CEP57L1: variants seen among roughly 807,000 people sequenced by gnomAD.
CEP57L1 encodes the protein centrosomal protein 57 like 1.
CEP57L1 carries 37 observed loss-of-function variants against 61.0 expected under a neutral mutation model. That is an observed-to-expected ratio of 0.61 (90% CI 0.47 to 0.80). CEP57L1 has a LOEUF of 0.80. Among genes scored for constraint, CEP57L1 ranks in the 30% least tolerant of loss-of-function variants. The probability of loss-of-function intolerance (pLI) is 0.00; values close to 1 mark genes in which losing one functional copy is unlikely to be tolerated. For missense variants in CEP57L1, 422 were observed against 524.7 expected (o/e 0.80, Z 1.91); for synonymous variants, 137 against 162.3 (o/e 0.84, Z 1.19).
At chr6:109,133,023 G>A (rs1774373145) in intron 1 of CEP57L1, among the ~76,000 whole-genome samples, 1 of 152,100 alleles carries the variant, frequency 6.6e-6, no homozygotes, top group African/African-American at 2.4e-5. Context: ...TATCTACCCA[G>A]TAGCCAAGTT....
At chr6:109,136,106 A>G (rs1225154354) in intron 1 of CEP57L1, among the ~76,000 whole-genome samples, 5 of 152,236 alleles carry the variant, frequency 3.3e-5, no homozygotes, top group African/African-American at 1.2e-4. Flanking sequence ...CTACAAAGAC[A>G]CATGCACACG....
chr6:109,141,789 C>T (rs1397573917), intron 1 of CEP57L1, among the ~76,000 whole-genome samples: 1 of 152,058 alleles, frequency 6.6e-6, no homozygotes, highest in African/African-American at 2.4e-5. Flanking sequence ...TCCAGCCTTA[C>T]TGTGTTTGCT....
intron 1 of CEP57L1, among the ~76,000 whole-genome samples, chr6:109,128,507 TTCC>T (rs1325210570): frequency 6.6e-6 from 1 of 152,226 alleles, no homozygotes; most frequent in East Asian, 1.9e-4. Flanking sequence ...CTATAATTTC[TTCC>T]TCCTTTTGTC....
intron 7 of CEP57L1, chr6:109,157,426 T>C: frequency 6.6e-6 from 1 of 152,164 alleles, no homozygotes; most frequent in East Asian, 1.9e-4. Context: ...CAGATAAATA[T>C]ATAAGTATAA....
chr6:109,120,241 C>A (rs912075040), intron 1 of CEP57L1, among the ~76,000 whole-genome samples: 1 of 152,130 alleles, frequency 6.6e-6, no homozygotes, highest in Non-Finnish European at 1.5e-5. Context: ...ACTTCATTAT[C>A]AAATAATCTA....
intron 1 of CEP57L1, among the ~76,000 whole-genome samples, chr6:109,144,497 T>C (rs536529606): frequency 1.3e-5 from 2 of 152,216 alleles, no homozygotes; most frequent in African/African-American, 4.8e-5. Context: ...TTCTAAAATA[T>C]TTAAATTGCA....
At chr6:109,110,350 T>C (rs370020449) in intron 1 of CEP57L1, among the ~76,000 whole-genome samples, 2 of 152,368 alleles carry the variant, frequency 1.3e-5, no homozygotes, top group Admixed American at 6.5e-5. Flanking sequence ...TTTTGAGAAG[T>C]GTCTGTTCAT....
In CEP57L1 at chr6:109,165,236, G is replaced by A. The variant is rs536118149; in HGVS notation, c.*2266G>A. Among the ~76,000 whole-genome samples the A allele has an allele frequency of 5.3e-5, 8 of 152,190 alleles. No individual in the cohort carries two copies. The highest frequency in any genetic ancestry group is 8.8e-5 in the Non-Finnish European group (6 of 68,012). On this transcript the variant is annotated 3_prime_UTR_variant, in exon 11 of 11. Coordinates refer to ENST00000517392, the MANE Select transcript of CEP57L1 (RefSeq NM_001271852.3). ...CTCTACCATTTAATAGCTTGGACAA[G>A]TCAGATAACTTTCTGGAGCCTCAGT... is the stretch of plus-strand genomic sequence containing the variant.
chr6:109,113,756 T>C, intron 1 of CEP57L1, among the ~76,000 whole-genome samples: 1 of 152,170 alleles, frequency 6.6e-6, no homozygotes, highest in East Asian at 1.9e-4. Flanking sequence ...TATTTTGTTG[T>C]ATGTATTTCT....
At chr6:109,099,987 A>T (rs1437323172) in intron 1 of CEP57L1, among the ~76,000 whole-genome samples, 1 of 152,216 alleles carries the variant, frequency 6.6e-6, no homozygotes, top group Non-Finnish European at 1.5e-5. Flanking sequence ...TCATTTTCTC[A>T]GAGGTGTCCC....
At chr6:109,120,610 G>T (rs985491442) in intron 1 of CEP57L1, among the ~76,000 whole-genome samples, 33 of 151,736 alleles carry the variant, frequency 2.2e-4, no homozygotes, top group Middle Eastern at 3.4e-3. Context: ...TGTTAACGGG[G>T]GTTCTGTGTA....
At chr6:109,110,394 T>C (rs1461189417) in intron 1 of CEP57L1, among the ~76,000 whole-genome samples, 1 of 152,210 alleles carries the variant, frequency 6.6e-6, no homozygotes, top group Middle Eastern at 3.2e-3. Context: ...GGTTGTTTGA[T>C]TTTTTCTTGT....
chr6:109,123,132 G>T (rs1471888438), intron 1 of CEP57L1, among the ~76,000 whole-genome samples: 2 of 152,052 alleles, frequency 1.3e-5, no homozygotes, highest in Non-Finnish European at 2.9e-5. Context: ...CACTTAGACT[G>T]CATACTCTAT....
At chr6:109,130,603 C>CTTTTT (rs1292989571) in intron 1 of CEP57L1, 5 of 124,400 alleles carry the variant, frequency 4.0e-5, no homozygotes, top group African/African-American at 1.2e-4. Context: ...GTGTGATTGT[C>CTTTTT]TTTTTTTTTT....
At chr6:109,158,392 A>G in intron 7 of CEP57L1, 1 of 285,374 alleles carries the variant, frequency 3.5e-6, no homozygotes, top group Admixed American at 5.0e-5. Context: ...GGGAGACAAA[A>G]GCAGGAGAAT....
At chr6:109,141,251 T>G (rs1368999480) in intron 1 of CEP57L1, among the ~76,000 whole-genome samples, 1 of 152,134 alleles carries the variant, frequency 6.6e-6, no homozygotes, top group East Asian at 1.9e-4. Context: ...AGTCTCACAT[T>G]GTTGCCTGTG....
chr6:109,162,503 CT>C (rs1394857365), intron 10 of CEP57L1, among the ~76,000 whole-genome samples: 4 of 151,882 alleles, frequency 2.6e-5, no homozygotes, highest in Non-Finnish European at 5.9e-5. Context: ...CACATATGTG[CT>C]TTTTTTCACT....
At chr6:109,097,652 A>T (rs1781868062) in intron 1 of CEP57L1, among the ~76,000 whole-genome samples, 1 of 152,232 alleles carries the variant, frequency 6.6e-6, no homozygotes, top group Non-Finnish European at 1.5e-5. Flanking sequence ...TCTACTGAGG[A>T]GAGATAATAA....
intron 1 of CEP57L1, among the ~76,000 whole-genome samples, chr6:109,113,556 A>AT (rs1269669635): frequency 6.6e-6 from 1 of 152,248 alleles, no homozygotes; most frequent in South Asian, 2.1e-4. Context: ...CTCTCAATAT[A>AT]TATTTTTGTA....
Sources: allele counts gnomAD v4.1 joint callset (sites outside exome capture counted in the v4.1 genomes callset), GRCh38; gene constraint gnomAD v4.1.1; transcripts MANE v1.5; gene names NCBI Gene and HGNC (gene_info 2026-07-23, HGNC 2026-07-21).